ALK: variants seen among roughly 807,000 people sequenced by gnomAD.
The protein encoded by ALK is ALK tyrosine kinase receptor.
Under a neutral mutation model 163.1 loss-of-function variants are expected in ALK, and 74 were observed. The observed-to-expected ratio is 0.45, with a 90% CI of 0.38 to 0.55. The LOEUF is 0.55. Ranked by LOEUF, ALK falls within the 20% of genes least tolerant of loss-of-function variation. The probability of loss-of-function intolerance (pLI) is 0.00; values close to 1 mark genes in which losing one functional copy is unlikely to be tolerated. For missense variants in ALK, 2,063 were observed against 2,105.3 expected (o/e 0.98, Z 0.39); for synonymous variants, 960 against 843.2 (o/e 1.14, Z -2.40).
intron 4 of ALK, among the ~76,000 whole-genome samples, chr2:29,455,229 C>A (rs1558331966): frequency 2.0e-5 from 3 of 152,152 alleles, no homozygotes; most frequent in Non-Finnish European, 4.4e-5. Flanking sequence ...GTGAAGAGAG[C>A]CCAGAGGGAC....
intron 3 of ALK, among the ~76,000 whole-genome samples, chr2:29,600,653 C>G (rs899993659): frequency 6.6e-6 from 1 of 152,076 alleles, no homozygotes; most frequent in Non-Finnish European, 1.5e-5. Context: ...TGTACAGTGT[C>G]GATTGCATGG....
At chr2:29,420,158 A>T (rs1257852468) in intron 4 of ALK, among the ~76,000 whole-genome samples, 4 of 27,550 alleles carry the variant, frequency 1.5e-4, no homozygotes, top group Non-Finnish European at 2.5e-4. Context: ...CCCTGTCTTA[A>T]AAAAAAAAAA....
intron 1 of ALK, among the ~76,000 whole-genome samples, chr2:29,812,349 C>T (rs1003966747): frequency 2.4e-4 from 36 of 151,862 alleles, no homozygotes; most frequent in African/African-American, 6.8e-4. Context: ...AGCATAAATA[C>T]CCCCGCCATC....
chr2:29,777,619 CA>C (rs1681210759), intron 1 of ALK, among the ~76,000 whole-genome samples: 1 of 152,122 alleles, frequency 6.6e-6, no homozygotes, highest in Non-Finnish European at 1.5e-5. Context: ...GAAGGACAGT[CA>C]AAAGAATATC....
At chr2:29,250,449 G>A (rs1405651439) in intron 12 of ALK, among the ~76,000 whole-genome samples, 1 of 152,176 alleles carries the variant, frequency 6.6e-6, no homozygotes, top group Non-Finnish European at 1.5e-5. Context: ...AGAAATGTCA[G>A]TTCTCAGCCC....
chr2:29,908,413 T>A (rs1243685601), intron 1 of ALK, among the ~76,000 whole-genome samples: 13 of 152,192 alleles, frequency 8.5e-5, no homozygotes. Context: ...TTTTGGCTCT[T>A]GCCCCAACTC....
intron 4 of ALK, among the ~76,000 whole-genome samples, chr2:29,507,366 T>C (rs1344724928): frequency 5.9e-5 from 9 of 151,914 alleles, no homozygotes; most frequent in African/African-American, 2.2e-4. Context: ...TTGCCTGGGG[T>C]TGGAGGTAGG....
intron 1 of ALK, chr2:29,892,485 C>T (rs914440554): frequency 6.6e-6 from 1 of 152,206 alleles, no homozygotes; most frequent in Admixed American, 6.6e-5. Flanking sequence ...AGGGTAGTTC[C>T]ACTGTCCCCT....
At chr2:29,591,736 A>C (rs1280760898) in intron 3 of ALK, among the ~76,000 whole-genome samples, 1 of 152,096 alleles carries the variant, frequency 6.6e-6, no homozygotes, top group Admixed American at 6.5e-5. Flanking sequence ...GGAAGGAAAA[A>C]GAAAGTTTTT....
chr2:29,547,280 T>A (rs929158274), intron 3 of ALK, among the ~76,000 whole-genome samples: 1 of 152,214 alleles, frequency 6.6e-6, no homozygotes, highest in Non-Finnish European at 1.5e-5. Flanking sequence ...TCCTTCTCAC[T>A]GAATACAGAT....
Position 29,227,311 on chromosome 2 carries a change from C to G in ALK, c.2915-237G>C, listed in dbSNP as rs535270515. ...CTTTTGAGTCAGTGGTGGAGAGAAG[C>G]CCACGCACATGATCTTTAGGTTGGC... On this transcript the variant is annotated intron_variant, in intron 17 of 28. Coordinates refer to ENST00000389048, the MANE Select transcript of ALK (RefSeq NM_004304.5). This position sits in a 1 kb window ranked among gnomAD's most constrained non-coding sequence, Gnocchi z 4.4. 8.5e-5 allele frequency among the ~76,000 whole-genome samples: 13 copies of G among 152,302 alleles called. No homozygotes were observed. In the South Asian group the frequency reaches 2.7e-3, roughly 32 times the overall value.
intron 12 of ALK, among the ~76,000 whole-genome samples, chr2:29,245,265 T>C (rs13402092): frequency 1.0e-4 from 12 of 117,924 alleles, no homozygotes; most frequent in East Asian, 2.8e-4. Flanking sequence ...GTAGGGGCTT[T>C]ATGGCTCAAT....
intron 3 of ALK, among the ~76,000 whole-genome samples, chr2:29,597,056 C>T (rs1043392307): frequency 1.3e-5 from 2 of 152,172 alleles, no homozygotes; most frequent in African/African-American, 4.8e-5. Context: ...TCTAAGCATC[C>T]CCCACTTTGA....
At chr2:29,912,555 G>A (rs983135288) in intron 1 of ALK, among the ~76,000 whole-genome samples, 2 of 151,990 alleles carry the variant, frequency 1.3e-5, no homozygotes, top group African/African-American at 2.4e-5. Context: ...TTAGGCTGAA[G>A]GGAAATAATA....
At chr2:29,505,230 C>T (rs143773532) in intron 4 of ALK, among the ~76,000 whole-genome samples, 1 of 152,046 alleles carries the variant, frequency 6.6e-6, no homozygotes, top group African/African-American at 2.4e-5. Context: ...GGTGGGACAC[C>T]CTGATGGGTT....
At position 29,238,027 on chromosome 2, in the gene ALK, G is replaced by C. The variant is rs992256507; in HGVS notation, c.2355+1653C>G. Among the ~76,000 whole-genome samples the C allele has an allele frequency of 3.3e-5, 5 of 152,182 alleles. No individual in the cohort carries two copies. The East Asian group carries it at 9.6e-4, about 29-fold the overall frequency. ...GAAGCAAAGACGGAGGGCTGTGTAT[G>C]TGCACATGTGCTGTGTTTGGGGGTG... is the stretch of plus-strand genomic sequence containing the variant. On this transcript the variant is annotated intron_variant, in intron 13 of 28. Coordinates refer to ENST00000389048, the MANE Select transcript of ALK (RefSeq NM_004304.5).
At chr2:29,533,015 A>C (rs1406151616) in intron 3 of ALK, among the ~76,000 whole-genome samples, 24 of 152,220 alleles carry the variant, frequency 1.6e-4, no homozygotes, top group African/African-American at 5.3e-4. Context: ...AGCAGCCTGC[A>C]ATAAACAATG....
At chr2:29,757,503 C>T (rs1291968892) in intron 1 of ALK, among the ~76,000 whole-genome samples, 2 of 152,074 alleles carry the variant, frequency 1.3e-5, no homozygotes, top group African/African-American at 2.4e-5. Flanking sequence ...TACAAAATGT[C>T]TAGTTTTATT....
At chr2:29,788,118 C>A (rs1664090653) in intron 1 of ALK, among the ~76,000 whole-genome samples, 1 of 152,234 alleles carries the variant, frequency 6.6e-6, no homozygotes, top group Non-Finnish European at 1.5e-5. Flanking sequence ...AGCCTATGAC[C>A]TGTCTATAAG....
Sources: allele counts gnomAD v4.1 joint callset (sites outside exome capture counted in the v4.1 genomes callset), GRCh38; gene constraint gnomAD v4.1.1; non-coding constraint Gnocchi (gnomAD v3.1); transcripts MANE v1.5; gene names NCBI Gene and HGNC (gene_info 2026-07-23, HGNC 2026-07-21).